Variants in SPTBN5 observed in about 807,000 individuals in gnomAD.
The protein encoded by SPTBN5 is spectrin beta, non-erythrocytic 5.
Under a neutral mutation model 477.6 loss-of-function variants are expected in SPTBN5, and 513 were observed. The observed-to-expected ratio is 1.07, with a 90% confidence interval of 1.00 to 1.16. The LOEUF (loss-of-function observed/expected upper bound fraction) is 1.16. SPTBN5 is among the 50% of genes most tolerant of loss of function. SPTBN5 has a pLI of 0.00. For synonymous variants in SPTBN5, 2,169 were observed against 2,011.7 expected (o/e 1.08, Z -2.09); for missense variants, 5,062 against 4,731.8 (o/e 1.07, Z -2.05).
chr15:41,855,244 G>C lies in SPTBN5; in HGVS notation c.9403C>G (p.Gln3135Glu), dbSNP rs1212365660. 1 of 1,612,178 alleles carries C rather than the reference G, an allele frequency of 6.2e-7. No individual in the cohort carries two copies. The highest frequency in any genetic ancestry group is 8.5e-7 in the Non-Finnish European group (1 of 1,179,432). The change falls in exon 55 of 68, where the codon CAG (glutamine) becomes GAG (glutamate). Residue 3135 changes from glutamine (Q) to glutamate (E), a missense_variant. Coordinates refer to ENST00000320955, the MANE Select transcript of SPTBN5 (RefSeq NM_016642.4). ...AATAESQDYGQDLEGVKVLEE... is the reference protein window; with the variant it reads ...AATAESQDYGEDLEGVKVLEE... ...CTCACCTTGACACCCTCCAGGTCCT[G>C]CCCGTAGTCCTGGGACTCGGCGGTG...
chr15:41,863,669 C>T, intron 41 of SPTBN5, 35 bp downstream of exon 41: 2 of 1,568,490 alleles, frequency 1.3e-6, no homozygotes, highest in Non-Finnish European at 1.8e-6. Context: ...TGCATTTGCT[C>T]ACAGCCCCCA....
rs58030013 is a variant in SPTBN5, at chr15:41,851,244, G to T, written c.10743+39C>A. ...TGGGGCCCCTCTGCCTTGCTTCCCA[G>T]CACCCTGATGTCTGCATCTCCCCTA... is the stretch of plus-strand genomic sequence containing the variant. On this transcript the variant is annotated intron_variant, in intron 64 of 67. Coordinates refer to ENST00000320955, the MANE Select transcript of SPTBN5 (RefSeq NM_016642.4). 143,646 of 1,553,162 alleles carry T rather than the reference G, an allele frequency of 0.092. 8,351 individuals are homozygous for T. The highest frequency in any genetic ancestry group is 0.26 in the African/African-American group (19,030 of 73,214).
At position 41,893,550 on chromosome 15, in the gene SPTBN5, G is replaced by A; in HGVS notation, c.-49-4C>T. On this transcript the variant is annotated splice_polypyrimidine_tract_variant and splice_region_variant and intron_variant, in intron 1 of 67. Transcript: ENST00000320955. Reference sequence around the variant, plus strand: ...GCTGCTGGATGGCTCCCTAAACCTGGAGGGCATGCAGATTAGGGGATGATG... The same window carrying A: ...GCTGCTGGATGGCTCCCTAAACCTGAAGGGCATGCAGATTAGGGGATGATG... 1 of 1,532,948 alleles carries A rather than the reference G, an allele frequency of 6.5e-7. No individual in the cohort carries two copies. The highest frequency in any genetic ancestry group is 8.7e-7 in the Non-Finnish European group (1 of 1,145,186). The allele number at this position is 1,532,948 out of a possible 1,614,324, so 95.0% of individuals were successfully genotyped here. A position where few individuals can be genotyped will look rare whatever the true frequency, so the allele number is the denominator to read the frequency against.
chr15:41,850,536 A>AAC (rs1473263053), intron 66 of SPTBN5: 12 of 369,842 alleles, frequency 3.2e-5, no homozygotes, highest in Non-Finnish European at 5.4e-5. Flanking sequence ...CCCTTGGAGG[A>AAC]ACACAGTCCA....
At chr15:41,859,441 G>C (rs1033946106) in intron 47 of SPTBN5, among the ~76,000 whole-genome samples, 1 of 152,196 alleles carries the variant, frequency 6.6e-6, no homozygotes, top group East Asian at 1.9e-4. Flanking sequence ...TTACAGGCGT[G>C]AACTACTGCA....
Position 41,880,250 on chromosome 15 carries a change from CT to C in SPTBN5, c.2720del (p.Glu907GlyfsTer54). 6.2e-7 allele frequency: 1 copy of C among 1,607,544 alleles called. No homozygotes were observed. Among genetic ancestry groups the C allele is most frequent in the Non-Finnish European group, 8.5e-7 (1 of 1,177,462 alleles). ...TCTGCTTCTCCAGCCACAACTGGAG[CT>C]CCCCACAGGAACTGCAGAAACCGAA... ...ALFGFCSSCG[E>X]LQLWLEKQTV... On this transcript the variant is annotated frameshift_variant, in exon 14 of 68. Coordinates refer to ENST00000320955, the MANE Select transcript of SPTBN5 (RefSeq NM_016642.4). LOFTEE classifies it high-confidence loss of function.
rs753713364 is a variant in SPTBN5, at chr15:41,855,763, G to T, written c.9022-18C>A. ...TCCAGGAGCTGGGGGTGACAGAGTG[G>T]AGATCCGTTTTCCCGGGGCACCCTC... is the stretch of plus-strand genomic sequence containing the variant. On this transcript the variant is annotated intron_variant, in intron 53 of 67. Coordinates refer to ENST00000320955, the MANE Select transcript of SPTBN5 (RefSeq NM_016642.4). 1 of 1,550,978 alleles carries T rather than the reference G, an allele frequency of 6.4e-7. No homozygotes were observed. Among genetic ancestry groups the T allele is most frequent in the South Asian group, 1.2e-5 (1 of 85,926 alleles).
Position 41,875,462 on chromosome 15 carries a change from A to G in SPTBN5, c.4283T>C (p.Leu1428Pro). The change falls in exon 22 of 68, where the codon CTG becomes CCG. Residue 1428 changes from leucine (L) to proline (P), a missense_variant. Leu to Pro is a moderately conservative substitution (Grantham distance 98). Transcript: ENST00000320955. ...CTGTCCCTCTTCCCAGTGGACCTGCAGCTGCCTCAGGAGTTGCTCCTGCTG... is the reference window on the plus strand; with the variant it reads ...CTGTCCCTCTTCCCAGTGGACCTGCGGCTGCCTCAGGAGTTGCTCCTGCTG... ...AGQQEQLLRQLQDAKEQLEQL... is the reference protein window; with the variant it reads ...AGQQEQLLRQPQDAKEQLEQL... 1 of 1,611,578 alleles carries G rather than the reference A, an allele frequency of 6.2e-7. No individual in the cohort carries two copies. Among genetic ancestry groups the G allele is most frequent in the Non-Finnish European group, 8.5e-7 (1 of 1,179,344 alleles).
Position 41,863,937 on chromosome 15 carries a change from A to G in SPTBN5, c.7006T>C (p.Cys2336Arg). 6.2e-7 allele frequency: 1 copy of G among 1,613,914 alleles called. No homozygotes were observed. The highest frequency in any genetic ancestry group is 8.5e-7 in the Non-Finnish European group (1 of 1,179,872). Residue 2336 changes from cysteine (C) to arginine (R), a missense_variant, in exon 40 of 68, where the codon TGC (cysteine) becomes CGC (arginine). Cys to Arg is a radical substitution (Grantham distance 180). Transcript: ENST00000320955. Reference protein sequence around the residue: ...NRDPEEVKIICQRRSQLNNRW... With the variant: ...NRDPEEVKIIRQRRSQLNNRW... ...TTGTTGAGCTGGCTTCGCCGCTGGC[A>G]GATGATCTTGACTTCCTCAGGGTCC... is the stretch of plus-strand genomic sequence containing the variant.
At position 41,887,291 on chromosome 15, in the gene SPTBN5, G is replaced by A; in HGVS notation, c.810C>T (p.Ile270=). ...GGTAGTAGAGGGAGACGTAGGTCAT[G>A]ATAGAGCGCTCATCTGGCTGTGCGG... ...VAAAQPDERS[I]MTYVSLYYHY... The change falls in exon 6 of 68, where the codon ATC becomes ATT. Residue 270 remains isoleucine, a synonymous_variant. Transcript: ENST00000320955. 5.8e-6 allele frequency: 9 copies of A among 1,551,342 alleles called. No homozygotes were observed. The highest frequency in any genetic ancestry group is 7.8e-6 in the Non-Finnish European group (9 of 1,147,014).
intron 9 of SPTBN5, 67 bp from the exon 10 acceptor site, chr15:41,882,805 C>T: frequency 5.9e-6 from 9 of 1,535,064 alleles, no homozygotes; most frequent in Non-Finnish European, 6.2e-6. Flanking sequence ...GGTTCCCCTC[C>T]GGGTTTAGAC....
Position 41,852,968 on chromosome 15 carries a change from C to T in SPTBN5, c.10203G>A (p.Arg3401=). ...CCCAAGCCTCCTCCAGCTCCTGCAGCCGCCCTTCCAGCTCCTGCAGGCACT... is the reference window on the plus strand; with the variant it reads ...CCCAAGCCTCCTCCAGCTCCTGCAGTCGCCCTTCCAGCTCCTGCAGGCACT... ...VTECLQELEG[R]LQELEEAWAL... is the part of the protein sequence containing the mutation. The change falls in exon 60 of 68, where the codon CGG becomes CGA. Residue 3401 remains arginine, a synonymous_variant. Transcript: ENST00000320955. The T allele has an allele frequency of 3.8e-6, 6 of 1,563,244 alleles. No individual in the cohort carries two copies. The highest frequency in any genetic ancestry group is 1.9e-5 in the Admixed American group (1 of 52,044).
intron 56 of SPTBN5, 73 bp downstream of exon 56, chr15:41,854,708 TG>T: frequency 7.6e-7 from 1 of 1,311,306 alleles, no homozygotes; most frequent in Non-Finnish European, 1.0e-6. Context: ...CCAAAGCCTG[TG>T]GTAAGGAGGG....
Position 41,851,855 on chromosome 15 carries a change from A to T in SPTBN5, c.10585-5T>A. On this transcript the variant is annotated splice_region_variant and splice_polypyrimidine_tract_variant and intron_variant, in intron 62 of 67. Coordinates refer to ENST00000320955, the MANE Select transcript of SPTBN5 (RefSeq NM_016642.4). ...GGTGGGGGTACCCTTTGCATCCTGA[A>T]AATGCAAGATGGGGCCCAGAAATGT... 6.2e-7 allele frequency: 1 copy of T among 1,608,024 alleles called. No individual in the cohort carries two copies. Among genetic ancestry groups the T allele is most frequent in the Non-Finnish European group, 8.5e-7 (1 of 1,177,862 alleles).
intron 16 of SPTBN5, 100 bp downstream of exon 16, chr15:41,879,160 C>T (rs2066855794): frequency 2.1e-6 from 3 of 1,426,188 alleles, no homozygotes; most frequent in Admixed American, 2.2e-5. Context: ...TACCTGTTGT[C>T]TCCCCATCCC....
At chr15:41,881,582 C>T (rs1287609090) in intron 12 of SPTBN5, among the ~76,000 whole-genome samples, 7 of 152,174 alleles carry the variant, frequency 4.6e-5, no homozygotes, top group Admixed American at 4.6e-4. Context: ...GAGGCCACCC[C>T]AAACCAACAA....
chr15:41,893,778 C>G, intron 1 of SPTBN5, 121 bp downstream of exon 1: 1 of 555,548 alleles, frequency 1.8e-6, no homozygotes, highest in Non-Finnish European at 3.2e-6. Context: ...CAGGTCCCTC[C>G]ACCACAGTGA....
chr15:41,850,058 G>A (rs1309204457), intron 66 of SPTBN5, 99 bp from the exon 67 acceptor site: 11 of 991,948 alleles, frequency 1.1e-5, no homozygotes, highest in Admixed American at 2.0e-5. Context: ...GCTCAGCACA[G>A]CCTTAGGCAG....
At chr15:41,873,352 G>A (rs991685583) in intron 26 of SPTBN5, 140 bp downstream of exon 26, 2 of 660,454 alleles carry the variant, frequency 3.0e-6, no homozygotes, top group African/African-American at 3.6e-5. Context: ...GATCTGGGTG[G>A]GAAGTGGGGA....
Sources: gnomAD v4.1 joint callset for allele counts (sites outside exome capture counted in the v4.1 genomes callset) on GRCh38, gnomAD v4.1.1 for gene constraint, MANE v1.5 for transcripts, NCBI Gene and HGNC (gene_info 2026-07-23, HGNC 2026-07-21) for gene names.